Variants in TPRA1 observed in about 807,000 individuals in gnomAD.
TPRA1 encodes transmembrane protein adipocyte-associated 1.
Under a neutral mutation model 40.1 loss-of-function variants are expected in TPRA1, and 28 were observed. That is an observed-to-expected ratio of 0.70 (90% CI 0.52 to 0.96). The LOEUF (loss-of-function observed/expected upper bound fraction) is 0.96, where lower values mean the gene tolerates loss of function less well. Among genes scored for constraint, TPRA1 ranks in the 40% least tolerant of loss-of-function variants. The pLI, the probability that TPRA1 is intolerant of heterozygous loss-of-function variation, is 0.00. For synonymous variants in TPRA1, 219 were observed against 209.7 expected (o/e 1.04, Z -0.38); for missense variants, 441 against 482.6 (o/e 0.91, Z 0.81).
At chr3:127,588,567 T>C (rs551810980) in intron 1 of TPRA1, among the ~76,000 whole-genome samples, 99 of 152,112 alleles carry the variant, frequency 6.5e-4, no homozygotes, top group African/African-American at 2.2e-3. Context: ...ATTACAGGTG[T>C]GCACCACCAC....
At chr3:127,588,396 T>C (rs899673520) in intron 1 of TPRA1, among the ~76,000 whole-genome samples, 5 of 151,340 alleles carry the variant, frequency 3.3e-5, no homozygotes, top group Non-Finnish European at 5.9e-5. Context: ...TATCAAAGCT[T>C]AGGAAATAAC....
At position 127,576,111 on chromosome 3, in the gene TPRA1, G is replaced by A; in HGVS notation, c.499-61C>T. 1.4e-6 allele frequency: 2 copies of A among 1,385,296 alleles called. No homozygotes were observed. Among genetic ancestry groups the A allele is most frequent in the South Asian group, 1.2e-5 (1 of 83,684 alleles). The allele number at this position is 1,385,296 out of a possible 1,614,324, so 85.8% of individuals were successfully genotyped here. ...ATCTCAAGGCTTCTCTCTCCCAGGG[G>A]CTTTCCCTGATGCAAAGCCCCCTAA... On this transcript the variant is annotated intron_variant, in intron 6 of 10. Coordinates refer to ENST00000355552, the MANE Select transcript of TPRA1 (RefSeq NM_001136053.4). This position sits in a 1 kb window ranked among gnomAD's most constrained non-coding sequence, Gnocchi z 4.6.
rs2073387207 is a variant in TPRA1 at position 127,571,892 on chromosome 3, G to A, written c.*1629C>T. The A allele has an allele frequency of 1.3e-5, 2 of 151,952 alleles. No individual in the cohort carries two copies. The highest frequency in any genetic ancestry group is 4.8e-5 in the African/African-American group (2 of 41,388). 9.4% of individuals were successfully genotyped at this position (151,952 alleles called of 1,614,324 possible). On this transcript the variant is annotated 3_prime_UTR_variant, in exon 11 of 11. Coordinates refer to ENST00000355552, the MANE Select transcript of TPRA1 (RefSeq NM_001136053.4). Reference sequence around the variant, plus strand: ...GTTGATGCCTCTCTGCTCATTCACTGCAGCCAGCAAACTTCGGCTGACACT... The same window carrying A: ...GTTGATGCCTCTCTGCTCATTCACTACAGCCAGCAAACTTCGGCTGACACT...
rs1404900482 is a variant in TPRA1 at position 127,573,656 on chromosome 3, T to C, written c.987A>G (p.Ser329=). The C allele has an allele frequency of 6.2e-7, 1 of 1,613,454 alleles. No homozygotes were observed. Among genetic ancestry groups the C allele is most frequent in the Non-Finnish European group, 8.5e-7 (1 of 1,179,986 alleles). ...GLEAAGAAGA[S]AASYSSTQFD... ...ACTGCGTGCTCGAGTAGCTGGCAGC[T>C]GAGGCCCCAGCAGCCCCTGCAGCCT... is the stretch of plus-strand genomic sequence containing the variant. The change falls in exon 11 of 11, where the codon TCA becomes TCG. Residue 329 remains serine, a synonymous_variant. Coordinates refer to ENST00000355552, the MANE Select transcript of TPRA1 (RefSeq NM_001136053.4).
chr3:127,586,485 AGT>A (rs2074003348), intron 1 of TPRA1, among the ~76,000 whole-genome samples: 1 of 152,174 alleles, frequency 6.6e-6, no homozygotes, highest in South Asian at 2.1e-4. Flanking sequence ...CAGCCTCCCA[AGT>A]AGCTAGGATC....
chr3:127,572,202 C>A lies in TPRA1; in HGVS notation c.*1319G>T, dbSNP rs1186813648. 6.6e-6 allele frequency among the ~76,000 whole-genome samples: 1 copy of A among 152,190 alleles called. No individual in the cohort carries two copies. Among genetic ancestry groups the A allele is most frequent in the Non-Finnish European group, 1.5e-5 (1 of 68,014 alleles). On this transcript the variant is annotated 3_prime_UTR_variant, in exon 11 of 11. Transcript: ENST00000355552. ...CCCACAGACATGAGCTGTGTTGGAG[C>A]TTGTGCCCTCGGCACCCCATTCCCC...
intron 9 of TPRA1, 23 bp from the exon 10 acceptor site, chr3:127,575,288 CG>C: frequency 1.2e-6 from 2 of 1,610,456 alleles, no homozygotes; most frequent in Non-Finnish European, 1.7e-6. Flanking sequence ...CGGGTCAGCG[CG>C]GGGCCTCCTA....
rs1204260332 is a variant in TPRA1, at chr3:127,571,802, T to G, written c.*1719A>C. ...GCATGAACCTTTTTTTTTCTTGCCA[T>G]GTACATATATGACCTATTTTTAAAA... On this transcript the variant is annotated 3_prime_UTR_variant, in exon 11 of 11. Transcript: ENST00000355552. The G allele has an allele frequency of 1.3e-5, 2 of 152,134 alleles. No homozygotes were observed. The highest frequency in any genetic ancestry group is 4.8e-5 in the African/African-American group (2 of 41,442). 9.4% of individuals were successfully genotyped at this position (152,134 alleles called of 1,614,324 possible).
intron 3 of TPRA1, 31 bp from the exon 4 acceptor site, chr3:127,577,107 G>C: frequency 6.2e-7 from 1 of 1,609,464 alleles, no homozygotes. Flanking sequence ...GTGGCAGTCA[G>C]GGAACAAGAG....
At chr3:127,583,069 C>T (rs1456049796) in intron 1 of TPRA1, among the ~76,000 whole-genome samples, 1 of 151,876 alleles carries the variant, frequency 6.6e-6, no homozygotes, top group African/African-American at 2.4e-5. Context: ...TCCCTTGAAC[C>T]CGGGAGGCAT....
chr3:127,582,827 C>A (rs1362772887), intron 1 of TPRA1, among the ~76,000 whole-genome samples: 1 of 150,960 alleles, frequency 6.6e-6, no homozygotes, highest in Non-Finnish European at 1.5e-5. Flanking sequence ...ATGGAGAAAC[C>A]CCGCCTCTAC....
intron 1 of TPRA1, among the ~76,000 whole-genome samples, chr3:127,582,943 A>T (rs1201120339): frequency 6.6e-6 from 1 of 152,144 alleles, no homozygotes; most frequent in Non-Finnish European, 1.5e-5. Flanking sequence ...CAGGAGTTCG[A>T]GACCACCCTG....
chr3:127,579,669 T>C, intron 3 of TPRA1, 71 bp downstream of exon 3: 15 of 1,535,450 alleles, frequency 9.8e-6, no homozygotes, highest in Non-Finnish European at 1.3e-5. Context: ...ATTTTCATTA[T>C]AGAAGCAGTT....
Position 127,573,746 on chromosome 3 carries a change from G to T in TPRA1, c.897C>A (p.Asp299Glu), listed in dbSNP as rs143536771. 1 of 1,591,280 alleles carries T rather than the reference G, an allele frequency of 6.3e-7. No homozygotes were observed. The highest frequency in any genetic ancestry group is 1.7e-5 in the Admixed American group (1 of 58,140). ...KILFSYKCQV[D>E]ETEEPDVHLP... ...GGTGTACATCTGGCTCCTCTGTCTCGTCCACTTGGCATTTGTAGGAGAAGA... is the reference window on the plus strand; with the variant it reads ...GGTGTACATCTGGCTCCTCTGTCTCTTCCACTTGGCATTTGTAGGAGAAGA... Residue 299 changes from aspartate to glutamate, a missense_variant, in exon 11 of 11, where the codon GAC becomes GAA. Coordinates refer to ENST00000355552, the MANE Select transcript of TPRA1 (RefSeq NM_001136053.4).
In TPRA1 at chr3:127,573,180, G is replaced by A. The variant is rs746542882; in HGVS notation, c.*341C>T. ...GCCAAAGCACCATGGGGATGGGATG[G>A]AGGCATTGGGAGAGCCAGCCCTGCC... On this transcript the variant is annotated 3_prime_UTR_variant, in exon 11 of 11. Transcript: ENST00000355552. The A allele has an allele frequency of 1.2e-5, 3 of 244,774 alleles. No homozygotes were observed. Among genetic ancestry groups the A allele is most frequent in the Non-Finnish European group, 7.9e-6 (1 of 126,270 alleles). The allele number at this position is 244,774 out of a possible 1,614,324, so 15.2% of individuals were successfully genotyped here.
intron 1 of TPRA1, among the ~76,000 whole-genome samples, chr3:127,587,681 T>TC (rs1482083057): frequency 1.3e-5 from 2 of 150,630 alleles, no homozygotes; most frequent in Non-Finnish European, 3.0e-5. Context: ...TTTTCTTTTT[T>TC]TTTTTTTTTT....
chr3:127,592,680 C>T (rs1324425056), upstream of TPRA1, among the ~76,000 whole-genome samples: 1 of 152,196 alleles, frequency 6.6e-6, no homozygotes, highest in Non-Finnish European at 1.5e-5. Context: ...CCACCGCGCC[C>T]GGCCGCAACA....
intron 9 of TPRA1, 68 bp downstream of exon 9, chr3:127,575,335 G>T (rs767280962): frequency 6.3e-7 from 1 of 1,581,444 alleles, no homozygotes; most frequent in African/African-American, 1.4e-5. Context: ...CATGCCCCCA[G>T]CGGGTGGACA....
intron 1 of TPRA1, among the ~76,000 whole-genome samples, chr3:127,585,352 T>C (rs933030424): frequency 6.6e-6 from 1 of 152,206 alleles, no homozygotes; most frequent in East Asian, 1.9e-4. Flanking sequence ...CCAGAAAGGT[T>C]GGCAGGGCCA....
Sources: gnomAD v4.1 joint callset for allele counts (sites outside exome capture counted in the v4.1 genomes callset) on GRCh38, gnomAD v4.1.1 for gene constraint, Gnocchi (gnomAD v3.1) non-coding constraint, MANE v1.5 for transcripts, NCBI Gene and HGNC (gene_info 2026-07-23, HGNC 2026-07-21) for gene names.